Variants in CRYBG1 observed in about 807,000 individuals in gnomAD.
CRYBG1 encodes the protein crystallin beta-gamma domain containing 1, also known as beta/gamma crystallin domain-containing protein 1.
In CRYBG1, 139 loss-of-function variants were observed where a neutral mutation model predicts 189.2. The observed-to-expected ratio is 0.73, with a 90% CI of 0.64 to 0.85. The LOEUF (loss-of-function observed/expected upper bound fraction) is 0.85, where lower values mean the gene tolerates loss of function less well. Among genes scored for constraint, CRYBG1 ranks in the 40% least tolerant of loss-of-function variants. CRYBG1 has a pLI of 0.00. For synonymous variants in CRYBG1, 1,023 were observed against 1,017.1 expected (o/e 1.01, Z -0.11); for missense variants, 2,611 against 2,675.8 (o/e 0.98, Z 0.53).
intron 1 of CRYBG1, among the ~76,000 whole-genome samples, chr6:106,383,372 C>G (rs1770323838): frequency 6.6e-6 from 1 of 152,150 alleles, no homozygotes; most frequent in South Asian, 2.1e-4. Flanking sequence ...GCCAAGGGCA[C>G]CAGGCTATTC....
rs778208888 is a variant in CRYBG1, at chr6:106,512,902, C to A, written c.1785C>A (p.Phe595Leu). 1.9e-6 allele frequency: 3 copies of A among 1,603,484 alleles called. No individual in the cohort carries two copies. Among genetic ancestry groups the A allele is most frequent in the Non-Finnish European group, 2.6e-6 (3 of 1,175,276 alleles). Residue 595 changes from phenylalanine (F) to leucine (L), a missense_variant, in exon 3 of 22, where the codon TTC becomes TTA. Transcript: ENST00000633556. Reference protein sequence around the residue: ...EHKRGPLPNHFNGRAEGGRSR... With the variant: ...EHKRGPLPNHLNGRAEGGRSR... ...AGAGGGGCCCGCTCCCCAACCACTTCAACGGCCGGGCAGAGGGAGGTCGAA... is the reference window on the plus strand; with the variant it reads ...AGAGGGGCCCGCTCCCCAACCACTTAAACGGCCGGGCAGAGGGAGGTCGAA...
intron 8 of CRYBG1, among the ~76,000 whole-genome samples, chr6:106,536,945 GT>G (rs1192765517): frequency 6.6e-6 from 1 of 152,176 alleles, no homozygotes; most frequent in African/African-American, 2.4e-5. Flanking sequence ...CTGCATATGA[GT>G]TTTCAAATTC....
chr6:106,556,226 G>A (rs1471390698), intron 17 of CRYBG1, among the ~76,000 whole-genome samples: 1 of 152,192 alleles, frequency 6.6e-6, no homozygotes, highest in Non-Finnish European at 1.5e-5. Context: ...CACCACTTGA[G>A]ACTCCCACCA....
intron 1 of CRYBG1, among the ~76,000 whole-genome samples, chr6:106,370,223 T>C (rs1426485661): frequency 6.6e-6 from 1 of 152,188 alleles, no homozygotes; most frequent in Non-Finnish European, 1.5e-5. Context: ...GAAAGTATCA[T>C]GTGTAGATTC....
At chr6:106,406,485 T>G (rs878885922) in intron 1 of CRYBG1, among the ~76,000 whole-genome samples, 1 of 152,194 alleles carries the variant, frequency 6.6e-6, no homozygotes, top group Non-Finnish European at 1.5e-5. Flanking sequence ...CCAGGAGAAC[T>G]TCCCCAACCT....
At chr6:106,537,714 G>A (rs913288620) in intron 8 of CRYBG1, among the ~76,000 whole-genome samples, 1 of 152,150 alleles carries the variant, frequency 6.6e-6, no homozygotes, top group African/African-American at 2.4e-5. Context: ...TCCCAGCATC[G>A]CAGAAACCCG....
At chr6:106,561,547 G>A (rs1267199523) in intron 20 of CRYBG1, 47 bp downstream of exon 20, 6 of 1,570,366 alleles carry the variant, frequency 3.8e-6, no homozygotes, top group Middle Eastern at 3.4e-4. Flanking sequence ...TTGCTAGGAG[G>A]TGACTCATCC....
chr6:106,466,031 T>C (rs148131159), intron 2 of CRYBG1, among the ~76,000 whole-genome samples: 1 of 152,348 alleles, frequency 6.6e-6, no homozygotes, highest in East Asian at 1.9e-4. Context: ...GATATTCAAG[T>C]TGAAATTACT....
At chr6:106,468,169 CAAG>C (rs911796013) in intron 2 of CRYBG1, among the ~76,000 whole-genome samples, 5 of 152,104 alleles carry the variant, frequency 3.3e-5, no homozygotes, top group South Asian at 4.2e-4. Context: ...TTGGATTTGG[CAAG>C]AAGAAGGATA....
At chr6:106,496,501 C>T (rs1283506695) in intron 2 of CRYBG1, among the ~76,000 whole-genome samples, 1 of 147,322 alleles carries the variant, frequency 6.8e-6, no homozygotes, top group African/African-American at 2.5e-5. Flanking sequence ...TTTTTTGAAA[C>T]AATTTGCCAA....
chr6:106,391,927 ACGTGTGTGTGTG>A (rs757958147), intron 1 of CRYBG1, among the ~76,000 whole-genome samples: 6 of 130,100 alleles, frequency 4.6e-5, no homozygotes, highest in Non-Finnish European at 8.1e-5. Flanking sequence ...GTTGTTTAAA[ACGTGTGTGTGTG>A]TGTGTGTGTG....
chr6:106,372,530 G>A (rs1386966236), intron 1 of CRYBG1, among the ~76,000 whole-genome samples: 2 of 152,194 alleles, frequency 1.3e-5, no homozygotes, highest in African/African-American at 2.4e-5. Flanking sequence ...GGGATTACAG[G>A]CGTGAGCCAC....
At chr6:106,529,317 G>A (rs1773822776) in intron 7 of CRYBG1, among the ~76,000 whole-genome samples, 1 of 152,166 alleles carries the variant, frequency 6.6e-6, no homozygotes, top group African/African-American at 2.4e-5. Flanking sequence ...AAAGGGCTAT[G>A]ATATGTCATG....
At chr6:106,454,889 G>A (rs921681039) in intron 2 of CRYBG1, 4 of 152,306 alleles carry the variant, frequency 2.6e-5, no homozygotes, top group African/African-American at 7.2e-5. Context: ...AGATTTCTTT[G>A]TTCCTTCTCC....
chr6:106,521,862 G>A (rs2114543173), intron 4 of CRYBG1, among the ~76,000 whole-genome samples: 1 of 152,132 alleles, frequency 6.6e-6, no homozygotes, highest in East Asian at 1.9e-4. Flanking sequence ...GGGAATGCAG[G>A]CGCGTGCCAC....
chr6:106,419,123 G>A (rs1489596661), intron 1 of CRYBG1, among the ~76,000 whole-genome samples: 1 of 152,192 alleles, frequency 6.6e-6, no homozygotes, highest in African/African-American at 2.4e-5. Flanking sequence ...AACATGCCTA[G>A]CTCCCAGGTA....
At chr6:106,372,197 G>T (rs1770052441) in intron 1 of CRYBG1, among the ~76,000 whole-genome samples, 1 of 151,968 alleles carries the variant, frequency 6.6e-6, no homozygotes, top group Non-Finnish European at 1.5e-5. Flanking sequence ...GATCAACAAA[G>T]AACAAACGTA....
chr6:106,472,020 C>T (rs1772243059), intron 2 of CRYBG1, among the ~76,000 whole-genome samples: 1 of 152,200 alleles, frequency 6.6e-6, no homozygotes, highest in African/African-American at 2.4e-5. Flanking sequence ...AACATACTTA[C>T]TCTCTGAGCG....
chr6:106,471,469 A>T (rs1346365037), intron 2 of CRYBG1, among the ~76,000 whole-genome samples: 1 of 152,186 alleles, frequency 6.6e-6, no homozygotes, highest in Admixed American at 6.5e-5. Flanking sequence ...TCGGGATCAT[A>T]TCTATTTTAG....
Sources: allele counts gnomAD v4.1 joint callset (sites outside exome capture counted in the v4.1 genomes callset), GRCh38; gene constraint gnomAD v4.1.1; transcripts MANE v1.5; gene names NCBI Gene and HGNC (gene_info 2026-07-23, HGNC 2026-07-21).